Variants in PCDHGA4 observed in about 807,000 individuals in gnomAD.
PCDHGA4 encodes protocadherin gamma subfamily A, 4.
PCDHGA4 carries 38 observed loss-of-function variants against 54.6 expected under a neutral mutation model. That is an observed-to-expected ratio of 0.70 (90% CI 0.54 to 0.91). The LOEUF (loss-of-function observed/expected upper bound fraction) is 0.91, where lower values mean the gene tolerates loss of function less well. PCDHGA4 is among the 40% of genes least tolerant of loss of function. The pLI, the probability that PCDHGA4 is intolerant of heterozygous loss-of-function variation, is 0.00. For missense variants in PCDHGA4, 1,298 were observed against 1,220.9 expected (o/e 1.06, Z -0.94); for synonymous variants, 511 against 512.9 (o/e 1.00, Z 0.05).
chr5:141,475,984 G>C (rs1282216343), intron 1 of PCDHGA4: 1 of 1,069,308 alleles, frequency 9.4e-7, no homozygotes, highest in Non-Finnish European at 1.3e-6. Flanking sequence ...AACAGCCGGC[G>C]AGCAAATCAA....
At chr5:141,509,169 T>C (rs1321257504) in intron 3 of PCDHGA4, among the ~76,000 whole-genome samples, 2 of 152,174 alleles carry the variant, frequency 1.3e-5, no homozygotes, top group African/African-American at 4.8e-5. Context: ...TGTGCCCTCC[T>C]CCTCTTATGC....
chr5:141,396,902 A>C (rs2093450439), intron 1 of PCDHGA4, among the ~76,000 whole-genome samples: 1 of 152,234 alleles, frequency 6.6e-6, no homozygotes, highest in African/African-American at 2.4e-5. Context: ...TATTATTGGC[A>C]CTTTGCAATT....
At chr5:141,423,749 T>TTG (rs1249843775) in intron 1 of PCDHGA4, 127 of 272,264 alleles carry the variant, frequency 4.7e-4, no homozygotes, top group South Asian at 6.4e-4. Context: ...TGAAAACTGT[T>TTG]TGGGGGGGGG....
rs772345742 is a variant in PCDHGA4 at position 141,398,560 on chromosome 5, T to C, written c.2514+40939T>C. 17 of 1,613,792 alleles carry C rather than the reference T, an allele frequency of 1.1e-5. No individual in the cohort carries two copies. The Admixed American group carries it at 2.2e-4, about 21-fold the overall frequency. ...TTCCTTTGAGCTGCAAATAAGTGAG[T>C]CTGCACAGCCTGGCACAAGATTTAT... On this transcript the variant is annotated intron_variant, in intron 1 of 3. Transcript: ENST00000571252.
chr5:141,455,593 C>G (rs957677108), intron 1 of PCDHGA4, among the ~76,000 whole-genome samples: 19 of 152,068 alleles, frequency 1.2e-4, no homozygotes, highest in African/African-American at 4.6e-4. Context: ...AATATGCAAA[C>G]GTAGGGCGCC....
chr5:141,409,686 A>T, intron 1 of PCDHGA4: 3 of 1,613,350 alleles, frequency 1.9e-6, no homozygotes, highest in Non-Finnish European at 2.5e-6. Context: ...GTGGCGAGTG[A>T]CCTAGAGCCC....
intron 1 of PCDHGA4, chr5:141,415,481 A>G: frequency 1.9e-6 from 3 of 1,614,114 alleles, no homozygotes; most frequent in Non-Finnish European, 1.7e-6. Flanking sequence ...GACTCGCGAA[A>G]GAGTCACCTG....
intron 1 of PCDHGA4, among the ~76,000 whole-genome samples, chr5:141,473,831 A>G (rs950283433): frequency 1.3e-5 from 2 of 152,252 alleles, no homozygotes; most frequent in African/African-American, 4.8e-5. Context: ...GTGTGATCCA[A>G]TTAAAATTTT....
At chr5:141,475,329 A>G (rs1229101617) in intron 1 of PCDHGA4, among the ~76,000 whole-genome samples, 1 of 152,266 alleles carries the variant, frequency 6.6e-6, no homozygotes, top group Non-Finnish European at 1.5e-5. Context: ...AATGAGAGCT[A>G]ACAATGACAT....
chr5:141,442,774 AT>A (rs2098342677), intron 1 of PCDHGA4, among the ~76,000 whole-genome samples: 1 of 152,188 alleles, frequency 6.6e-6, no homozygotes, highest in Non-Finnish European at 1.5e-5. Flanking sequence ...TATGTGTTTG[AT>A]TATATTTTAT....
chr5:141,413,909 T>A (rs772084941), intron 1 of PCDHGA4: 1 of 1,613,316 alleles, frequency 6.2e-7, no homozygotes. Flanking sequence ...AACGCGCCGG[T>A]CTTCACCTTG....
chr5:141,429,729 A>G (rs1362403236), intron 1 of PCDHGA4, among the ~76,000 whole-genome samples: 1 of 152,240 alleles, frequency 6.6e-6, no homozygotes, highest in African/African-American at 2.4e-5. Flanking sequence ...GAAAGTACGT[A>G]GCCAGTTATT....
intron 1 of PCDHGA4, chr5:141,376,204 C>T (rs185484474): frequency 1.7e-5 from 28 of 1,614,080 alleles, no homozygotes; most frequent in Admixed American, 1.3e-4. Context: ...TCCTGGCCTT[C>T]GTCATCGTGC....
At chr5:141,402,881 G>T in intron 1 of PCDHGA4, 1 of 1,477,920 alleles carries the variant, frequency 6.8e-7, no homozygotes. Context: ...ATACTTTGCA[G>T]GGTGGAAGAA....
At chr5:141,473,988 G>C (rs1006988447) in intron 1 of PCDHGA4, among the ~76,000 whole-genome samples, 8 of 152,118 alleles carry the variant, frequency 5.3e-5, no homozygotes, top group Non-Finnish European at 4.4e-5. Context: ...AGGATCCCTT[G>C]AGCCCAAGGA....
chr5:141,490,517 C>T lies in PCDHGA4; in HGVS notation c.2515-4290C>T. 6.2e-7 allele frequency: 1 copy of T among 1,613,972 alleles called. No homozygotes were observed. The highest frequency in any genetic ancestry group is 2.2e-5 in the East Asian group (1 of 44,854). ...TCCCACTATATCATCGAGCTGCTGG[C>T]CAGCGATGCTGGTTCACCTTCCCTA... On this transcript the variant is annotated intron_variant, in intron 1 of 3. Coordinates refer to ENST00000571252, the MANE Select transcript of PCDHGA4 (RefSeq NM_018917.4). The surrounding 1 kb of genome is among the most constrained non-coding windows in gnomAD (Gnocchi z 5.4).
At chr5:141,508,739 C>A (rs1344024245) in intron 3 of PCDHGA4, among the ~76,000 whole-genome samples, 1 of 152,156 alleles carries the variant, frequency 6.6e-6, no homozygotes, top group African/African-American at 2.4e-5. Context: ...ACACCCCCCA[C>A]CCCGCTCTTT....
At chr5:141,384,442 T>G in intron 1 of PCDHGA4, 15 of 1,614,046 alleles carry the variant, frequency 9.3e-6, no homozygotes, top group Non-Finnish European at 1.3e-5. Context: ...TGGAGTCCTG[T>G]ACGCGCTGCA....
At chr5:141,375,665 C>T (rs114223268) in intron 1 of PCDHGA4, 22,660 of 1,614,242 alleles carry the variant, frequency 0.014, 234 homozygotes, top group Non-Finnish European at 0.016. Flanking sequence ...GTTGAGAGAC[C>T]TACAGCTGTG....
Sources: gnomAD v4.1 joint callset for allele counts (sites outside exome capture counted in the v4.1 genomes callset) on GRCh38, gnomAD v4.1.1 for gene constraint, Gnocchi (gnomAD v3.1) non-coding constraint, MANE v1.5 for transcripts, NCBI Gene and HGNC (gene_info 2026-07-23, HGNC 2026-07-21) for gene names.